BBS9: variants seen among roughly 807,000 people sequenced by gnomAD.
The protein encoded by BBS9 is Bardet-Biedl syndrome 9, also known as protein PTHB1.
In BBS9, 89 loss-of-function variants were observed where a neutral mutation model predicts 117.7. That is an observed-to-expected ratio of 0.76 (90% confidence interval 0.64 to 0.90). The LOEUF is 0.90. BBS9 is among the 40% of genes least tolerant of loss of function. BBS9 has a pLI of 0.00. For synonymous variants in BBS9, 379 were observed against 370.9 expected, an observed-to-expected ratio of 1.02 and a Z score of -0.25; for missense variants, 982 against 1,042.2, an observed-to-expected ratio of 0.94 and a Z score of 0.80.
At chr7:33,477,527 T>C (rs1841965043) in intron 19 of BBS9, among the ~76,000 whole-genome samples, 1 of 152,166 alleles carries the variant, frequency 6.6e-6, no homozygotes, top group Non-Finnish European at 1.5e-5. Flanking sequence ...TTTTTAAAGC[T>C]TGTGTGAATG....
chr7:33,504,049 G>GTGTA (rs1845817963), intron 19 of BBS9, among the ~76,000 whole-genome samples: 1 of 152,180 alleles, frequency 6.6e-6, no homozygotes, highest in Non-Finnish European at 1.5e-5. Flanking sequence ...CTAATTGGCT[G>GTGTA]TGTATGTATG....
intron 5 of BBS9, among the ~76,000 whole-genome samples, chr7:33,184,343 G>C (rs1327468994): frequency 6.6e-6 from 1 of 152,170 alleles, no homozygotes; most frequent in South Asian, 2.1e-4. Context: ...CGGTGATCCT[G>C]TACATGCCTA....
intron 21 of BBS9, among the ~76,000 whole-genome samples, chr7:33,625,920 A>G (rs539596053): frequency 2.2e-4 from 34 of 152,352 alleles, no homozygotes; most frequent in African/African-American, 7.9e-4. Flanking sequence ...TGAAAATTAA[A>G]AAGAGAAATT....
chr7:33,489,543 A>G (rs1474706200), intron 19 of BBS9, among the ~76,000 whole-genome samples: 2 of 152,128 alleles, frequency 1.3e-5, no homozygotes, highest in Non-Finnish European at 2.9e-5. Context: ...TCAACTTACC[A>G]TTCTCAGATT....
At chr7:33,579,485 G>A (rs1247381620) in intron 21 of BBS9, among the ~76,000 whole-genome samples, 4 of 152,144 alleles carry the variant, frequency 2.6e-5, no homozygotes, top group East Asian at 1.9e-4. Flanking sequence ...TTGGCCCGGC[G>A]TGTATCACAG....
chr7:33,431,388 A>G (rs1158044797), intron 19 of BBS9, among the ~76,000 whole-genome samples: 1 of 152,190 alleles, frequency 6.6e-6, no homozygotes, highest in Non-Finnish European at 1.5e-5. Context: ...TATCCTAGTC[A>G]GAGTCCGCTG....
At chr7:33,448,420 C>A (rs904119987) in intron 19 of BBS9, among the ~76,000 whole-genome samples, 1 of 152,072 alleles carries the variant, frequency 6.6e-6, no homozygotes, top group Non-Finnish European at 1.5e-5. Context: ...ATTCTGAAGG[C>A]GGCATGGGGT....
chr7:33,251,200 G>A (rs1796165829), intron 5 of BBS9, among the ~76,000 whole-genome samples: 1 of 152,136 alleles, frequency 6.6e-6, no homozygotes, highest in Non-Finnish European at 1.5e-5. Context: ...TGTCTACCAT[G>A]GCTCTCTCTT....
intron 21 of BBS9, among the ~76,000 whole-genome samples, chr7:33,560,041 A>G (rs1008273863): frequency 4.6e-5 from 7 of 151,934 alleles, no homozygotes; most frequent in African/African-American, 9.7e-5. Context: ...CCTCTCTATC[A>G]GTTTACCCAG....
chr7:33,431,379 A>C (rs1323385509), intron 19 of BBS9, among the ~76,000 whole-genome samples: 1 of 152,194 alleles, frequency 6.6e-6, no homozygotes, highest in African/African-American at 2.4e-5. Context: ...AAATGTGGCT[A>C]TCCTAGTCAG....
In BBS9 at chr7:33,632,181, T is replaced by C. The variant is rs531685422; in HGVS notation, c.2522-2996T>C. On this transcript the variant is annotated intron_variant, in intron 21 of 21. Coordinates refer to the BBS9 transcript ENST00000671952. ...TTTCCCTTCTGTCCTTCCAAAGGGC[T>C]TACTTCCTCCTGTCCTCGGTGTTAC... Among the ~76,000 whole-genome samples the C allele has an allele frequency of 2.6e-5, 4 of 152,218 alleles. No homozygotes were observed. In the South Asian group the frequency reaches 8.3e-4, roughly 32 times the overall value.
At chr7:33,241,332 C>CT (rs1473710545) in intron 5 of BBS9, among the ~76,000 whole-genome samples, 11 of 152,104 alleles carry the variant, frequency 7.2e-5, no homozygotes, top group African/African-American at 2.7e-4. Context: ...AGGTTTCAGT[C>CT]TTTTTCTATT....
At chr7:33,300,985 A>C (rs1806283800) in intron 9 of BBS9, among the ~76,000 whole-genome samples, 1 of 152,180 alleles carries the variant, frequency 6.6e-6, no homozygotes, top group Non-Finnish European at 1.5e-5. Flanking sequence ...CTTTGAAGAT[A>C]TCAGTCCATT....
chr7:33,492,696 G>C (rs926861977), intron 19 of BBS9, among the ~76,000 whole-genome samples: 1 of 152,062 alleles, frequency 6.6e-6, no homozygotes, highest in African/African-American at 2.4e-5. Context: ...AAAGGAATCT[G>C]TGGGCCCTTC....
intron 9 of BBS9, among the ~76,000 whole-genome samples, chr7:33,319,189 T>C (rs1238026643): frequency 6.6e-6 from 1 of 151,772 alleles, no homozygotes. Context: ...AATAATAGTC[T>C]CTAGTTCCAT....
At chr7:33,246,106 C>T (rs1455099644) in intron 5 of BBS9, among the ~76,000 whole-genome samples, 1 of 152,064 alleles carries the variant, frequency 6.6e-6, no homozygotes, top group Non-Finnish European at 1.5e-5. Flanking sequence ...TTAACTACTT[C>T]CCTTAGAAGA....
chr7:33,253,037 C>T (rs1308858865), intron 5 of BBS9, among the ~76,000 whole-genome samples: 1 of 152,088 alleles, frequency 6.6e-6, no homozygotes, highest in Non-Finnish European at 1.5e-5. Context: ...ACACATCTCC[C>T]AATGAGAATA....
rs117569134 is a variant in BBS9 at position 33,513,238 on chromosome 7, C to T, written c.2298+7593C>T. 2.6e-5 allele frequency among the ~76,000 whole-genome samples: 4 copies of T among 152,278 alleles called. No individual in the cohort carries two copies. In the East Asian group the frequency reaches 7.7e-4, roughly 29 times the overall value. ...ACTTAAAATTGTGTCTCCTGTCTAC[C>T]CTTCCATCTATTCTCTATTCTCTTT... On this transcript the variant is annotated intron_variant, in intron 20 of 22. Transcript: ENST00000242067.
chr7:33,570,165 A>C (rs1046419946), intron 21 of BBS9, among the ~76,000 whole-genome samples: 3 of 152,198 alleles, frequency 2.0e-5, no homozygotes, highest in Non-Finnish European at 2.9e-5. Flanking sequence ...AAGATATAAA[A>C]ATTAAATACT....
Sources: allele counts gnomAD v4.1 joint callset (sites outside exome capture counted in the v4.1 genomes callset), GRCh38; gene constraint gnomAD v4.1.1; transcripts MANE v1.5; gene names NCBI Gene and HGNC (gene_info 2026-07-23, HGNC 2026-07-21).